Variants in SYT17 observed in about 807,000 individuals in gnomAD.
The protein encoded by SYT17 is synaptotagmin 17.
SYT17 carries 22 observed loss-of-function variants against 46.7 expected under a neutral mutation model. The observed-to-expected ratio is 0.47, with a 90% CI of 0.34 to 0.67. SYT17 has a LOEUF of 0.67. SYT17 is among the 30% of genes least tolerant of loss of function. SYT17 has a pLI of 0.01. For missense variants in SYT17, 519 were observed against 612.8 expected, an observed-to-expected ratio of 0.85 and a Z score of 1.62; for synonymous variants, 251 against 248.4, an observed-to-expected ratio of 1.01 and a Z score of -0.10.
At chr16:19,213,630 C>T (rs1036695458) in intron 5 of SYT17, among the ~76,000 whole-genome samples, 1 of 152,186 alleles carries the variant, frequency 6.6e-6, no homozygotes, top group African/African-American at 2.4e-5. Context: ...CTGTCTCAGC[C>T]TCCTGAGTAT....
At position 19,242,378 on chromosome 16, in the gene SYT17, TG is replaced by T. The variant is rs923074909; in HGVS notation, c.1228+17544del. On this transcript the variant is annotated intron_variant, in intron 7 of 7. Transcript: ENST00000355377. The stretch of plus-strand genomic sequence containing the variant: ...GCAGAGGGAATTGTGCAAAAGGCCC[TG>T]GGGCAGGAATGAGCTTATTTTGTTC... Among the ~76,000 whole-genome samples the T allele has an allele frequency of 3.9e-4, 59 of 152,288 alleles. 1 individual carries two copies. The highest frequency in any genetic ancestry group is 1.0e-3 in the Admixed American group (16 of 15,286).
chr16:19,199,835 AGCAAAACTGACT>A (rs1466758101), intron 5 of SYT17, among the ~76,000 whole-genome samples: 43 of 152,280 alleles, frequency 2.8e-4, no homozygotes, highest in African/African-American at 1.0e-3. Flanking sequence ...TTCAAGCAGC[AGCAAAACTGACT>A]TTGGCAGCTT....
rs974512259 is a variant in SYT17 at position 19,183,284 on chromosome 16, G to A, written c.332-244G>A. On this transcript the variant is annotated intron_variant, in intron 4 of 7. Transcript: ENST00000355377. The surrounding 1 kb of genome is among the most constrained non-coding windows in gnomAD (Gnocchi z 5.6). Reference sequence around the variant, plus strand: ...GTGAAGATTGTGATTGCACATATGCGATGATGTAGTGTACACAGTCCATTA... The same window carrying A: ...GTGAAGATTGTGATTGCACATATGCAATGATGTAGTGTACACAGTCCATTA... 7.2e-5 allele frequency among the ~76,000 whole-genome samples: 11 copies of A among 152,310 alleles called. No individual in the cohort carries two copies. Among genetic ancestry groups the A allele is most frequent in the Middle Eastern group, 3.4e-3 (1 of 294 alleles).
chr16:19,189,710 T>G (rs1964938031), intron 5 of SYT17, among the ~76,000 whole-genome samples: 1 of 152,162 alleles, frequency 6.6e-6, no homozygotes, highest in African/African-American at 2.4e-5. Flanking sequence ...GGTTGGTCAG[T>G]GGAATGGAAA....
chr16:19,266,619 AG>A lies in SYT17; in HGVS notation c.1229-259del, dbSNP rs1435052470. 7.2e-5 allele frequency among the ~76,000 whole-genome samples: 11 copies of A among 152,304 alleles called. No homozygotes were observed. The East Asian group carries it at 1.9e-3, about 27-fold the overall frequency. Reference sequence around the variant, plus strand: ...CTGGCAGAAGGAACAGCCAATGCCAAGGCTGAGAGGTAAGAATCTGGCTGGC... The same window carrying A: ...CTGGCAGAAGGAACAGCCAATGCCAAGCTGAGAGGTAAGAATCTGGCTGGC... On this transcript the variant is annotated intron_variant, in intron 7 of 7. Coordinates refer to ENST00000355377, the MANE Select transcript of SYT17 (RefSeq NM_016524.4).
At chr16:19,239,154 G>A (rs573128029) in intron 7 of SYT17, among the ~76,000 whole-genome samples, 54 of 152,212 alleles carry the variant, frequency 3.5e-4, no homozygotes, top group Admixed American at 2.0e-3. Flanking sequence ...ATATGGTGGC[G>A]TGTGGCTGTA....
At chr16:19,221,916 A>G (rs2142862962) in intron 5 of SYT17, among the ~76,000 whole-genome samples, 1 of 152,322 alleles carries the variant, frequency 6.6e-6, no homozygotes, top group Middle Eastern at 3.4e-3. Context: ...CTTCAGAGGA[A>G]TATGGGGAGT....
intron 5 of SYT17, among the ~76,000 whole-genome samples, chr16:19,213,823 C>T (rs1160787983): frequency 6.6e-6 from 1 of 152,198 alleles, no homozygotes; most frequent in East Asian, 1.9e-4. Flanking sequence ...AGCCACTGCA[C>T]CTGACGAACT....
intron 7 of SYT17, among the ~76,000 whole-genome samples, chr16:19,247,965 A>C (rs562384428): frequency 6.6e-6 from 1 of 152,320 alleles, no homozygotes; most frequent in Admixed American, 6.5e-5. Flanking sequence ...AATTTTTGGC[A>C]AAACATATAT....
At chr16:19,169,039 C>T (rs1041380372) in intron 1 of SYT17, among the ~76,000 whole-genome samples, 2 of 151,912 alleles carry the variant, frequency 1.3e-5, no homozygotes, top group Non-Finnish European at 2.9e-5. Flanking sequence ...CGCCAGCTGC[C>T]GTTGCCGTGG....
chr16:19,234,513 C>A (rs886540785), intron 7 of SYT17, among the ~76,000 whole-genome samples: 3 of 151,994 alleles, frequency 2.0e-5, no homozygotes, highest in South Asian at 2.1e-4. Flanking sequence ...ATATAAAAAG[C>A]TTTAGAAAGT....
chr16:19,186,700 T>C (rs1964805033), intron 5 of SYT17, among the ~76,000 whole-genome samples: 1 of 152,228 alleles, frequency 6.6e-6, no homozygotes, highest in African/African-American at 2.4e-5. Flanking sequence ...TTCCTGATGA[T>C]GATGAGTGTT....
At chr16:19,230,518 A>G (rs937937752) in intron 7 of SYT17, among the ~76,000 whole-genome samples, 9 of 152,196 alleles carry the variant, frequency 5.9e-5, no homozygotes, top group African/African-American at 2.2e-4. Context: ...TGTTACACGT[A>G]TTTTGCTATA....
intron 7 of SYT17, among the ~76,000 whole-genome samples, chr16:19,250,692 G>A (rs1213952535): frequency 6.6e-6 from 1 of 151,054 alleles, no homozygotes; most frequent in Non-Finnish European, 1.5e-5. Context: ...TGGGATTACA[G>A]GCGTGAACCA....
rs1467407684 is a variant in SYT17 at position 19,266,967 on chromosome 16, A to G, written c.1316A>G (p.His439Arg). The change falls in exon 8 of 8, where the codon CAC (histidine) becomes CGC (arginine). Residue 439 changes from histidine (H) to arginine (R), a missense_variant. Coordinates refer to ENST00000355377, the MANE Select transcript of SYT17 (RefSeq NM_016524.4). The stretch of plus-strand genomic sequence containing the variant: ...TCTTCAGGCCCCTCTGAGACCAACC[A>G]CTGGAGGCGCATGCTCAACACGCAC... ...QYSSGPSETN[H>R]WRRMLNTHRT... 12 of 1,613,514 alleles carry G rather than the reference A, an allele frequency of 7.4e-6. No individual in the cohort carries two copies. Among genetic ancestry groups the G allele is most frequent in the Non-Finnish European group, 1.0e-5 (12 of 1,179,934 alleles).
At chr16:19,258,378 C>T (rs548305983) in intron 7 of SYT17, among the ~76,000 whole-genome samples, 5 of 152,050 alleles carry the variant, frequency 3.3e-5, no homozygotes, top group African/African-American at 7.2e-5. Context: ...CGGTGGCTCA[C>T]GTCTGTAACC....
intron 7 of SYT17, among the ~76,000 whole-genome samples, chr16:19,240,311 T>C (rs565905487): frequency 6.6e-6 from 1 of 151,190 alleles, no homozygotes; most frequent in South Asian, 2.1e-4. Flanking sequence ...AGAGGAGCTT[T>C]ATTGAGCAAT....
At chr16:19,241,718 C>T (rs940933264) in intron 7 of SYT17, among the ~76,000 whole-genome samples, 12 of 152,180 alleles carry the variant, frequency 7.9e-5, no homozygotes, top group Non-Finnish European at 1.0e-4. Flanking sequence ...CTCCTTCCTG[C>T]GCCCTCCCCA....
chr16:19,221,027 TA>T (rs932317377), intron 5 of SYT17, among the ~76,000 whole-genome samples: 306 of 140,480 alleles, frequency 2.2e-3, no homozygotes, highest in Admixed American at 2.6e-3. Flanking sequence ...CCTCAACTCT[TA>T]AAAAAAAAAA....
Sources: allele counts gnomAD v4.1 joint callset (sites outside exome capture counted in the v4.1 genomes callset), GRCh38; gene constraint gnomAD v4.1.1; non-coding constraint Gnocchi (gnomAD v3.1); transcripts MANE v1.5; gene names NCBI Gene and HGNC (gene_info 2026-07-23, HGNC 2026-07-21).